Variants in CACNA2D1 observed in about 807,000 individuals in gnomAD.
The protein encoded by CACNA2D1 is calcium voltage-gated channel auxiliary subunit alpha2delta 1, also known as voltage-dependent calcium channel subunit alpha-2/delta-1.
A neutral mutation model predicts 171.5 loss-of-function variants in CACNA2D1; 53 were observed. The ratio of observed to expected loss-of-function variants is 0.31; its 90% confidence interval spans 0.25 to 0.39. The LOEUF is 0.39. CACNA2D1 is among the 10% of genes least tolerant of loss of function. CACNA2D1 has a pLI of 1.00. For synonymous variants in CACNA2D1, 442 were observed against 443.1 expected, an observed-to-expected ratio of 1.00 and a Z score of 0.03; for missense variants, 903 against 1,299.8, an observed-to-expected ratio of 0.69 and a Z score of 4.69.
In CACNA2D1 at chr7:82,340,341, G is replaced by GT. The variant is rs199938853; in HGVS notation, c.178-5091dup. Among the ~76,000 whole-genome samples the GT allele has an allele frequency of 9.2e-3, 1,220 of 133,116 alleles. 9 individuals are homozygous for GT. The highest frequency in any genetic ancestry group is 0.024 in the African/African-American group (874 of 36,844). The allele number at this position is 133,116 out of a possible 152,430, so 87.3% of individuals were successfully genotyped here. ...CTTAATTTGGCTAAGTTTGTTTTTT[G>GT]TTTTTTTTTTTTTTTAATAGGATCT... On this transcript the variant is annotated intron_variant, in intron 2 of 38. Transcript: ENST00000356860.
intron 5 of CACNA2D1, among the ~76,000 whole-genome samples, chr7:82,125,142 C>T (rs1482220268): frequency 2.0e-5 from 3 of 152,064 alleles, no homozygotes; most frequent in African/African-American, 7.2e-5. Context: ...CGTAAATATG[C>T]AAGGGAATTC....
intron 5 of CACNA2D1, among the ~76,000 whole-genome samples, chr7:82,122,008 T>C (rs921141291): frequency 1.3e-5 from 2 of 152,192 alleles, no homozygotes; most frequent in African/African-American, 2.4e-5. Flanking sequence ...GAAACAATTC[T>C]AGTTTTTAAA....
intron 2 of CACNA2D1, among the ~76,000 whole-genome samples, chr7:82,338,384 G>A (rs2299172): frequency 0.13 from 19,711 of 151,474 alleles, 1,898 homozygotes; most frequent in African/African-American, 0.27. Flanking sequence ...CCCAGGCTGG[G>A]GTGCAATGGC....
intron 4 of CACNA2D1, among the ~76,000 whole-genome samples, chr7:82,144,460 T>C (rs1368923486): frequency 6.6e-6 from 1 of 152,090 alleles, no homozygotes; most frequent in Non-Finnish European, 1.5e-5. Flanking sequence ...ATCCATCTTT[T>C]ATTTAATCAC....
At chr7:82,340,662 C>T (rs1818521057) in intron 2 of CACNA2D1, among the ~76,000 whole-genome samples, 1 of 152,062 alleles carries the variant, frequency 6.6e-6, no homozygotes, top group African/African-American at 2.4e-5. Context: ...TTGTGAGCAA[C>T]ATACAATTTC....
At chr7:82,213,392 T>C (rs902365451) in intron 3 of CACNA2D1, among the ~76,000 whole-genome samples, 6 of 152,130 alleles carry the variant, frequency 3.9e-5, no homozygotes, top group African/African-American at 1.4e-4. Flanking sequence ...TTAAGGCTGA[T>C]ATATCTAAGG....
At chr7:82,399,220 G>A (rs1020378541) in intron 1 of CACNA2D1, among the ~76,000 whole-genome samples, 3 of 152,124 alleles carry the variant, frequency 2.0e-5, no homozygotes, top group African/African-American at 4.8e-5. Context: ...TGGGCGCATC[G>A]CCTGAGGTCA....
intron 11 of CACNA2D1, among the ~76,000 whole-genome samples, 185 bp downstream of exon 11, chr7:82,037,892 C>G (rs933225032): frequency 6.6e-6 from 1 of 151,978 alleles, no homozygotes. Flanking sequence ...ATTTTAGATG[C>G]CTTTTGAATT....
At chr7:82,049,317 T>C (rs532426354) in intron 10 of CACNA2D1, among the ~76,000 whole-genome samples, 1 of 152,234 alleles carries the variant, frequency 6.6e-6, no homozygotes, top group East Asian at 1.9e-4. Flanking sequence ...GAATTCTTCT[T>C]CTTTTAACAA....
intron 1 of CACNA2D1, among the ~76,000 whole-genome samples, chr7:82,382,872 C>G (rs1387904581): frequency 6.6e-6 from 1 of 152,056 alleles, no homozygotes; most frequent in African/African-American, 2.4e-5. Flanking sequence ...CAAACAAGAA[C>G]GTAAATGTAT....
At chr7:82,408,731 T>C (rs140886295) in intron 1 of CACNA2D1, among the ~76,000 whole-genome samples, 60 of 152,298 alleles carry the variant, frequency 3.9e-4, no homozygotes, top group Non-Finnish European at 6.5e-4. Flanking sequence ...CTAAATCCTA[T>C]TCCATTCTGT....
chr7:82,342,053 C>CAAAAA (rs60799157), intron 2 of CACNA2D1, among the ~76,000 whole-genome samples: 7 of 65,496 alleles, frequency 1.1e-4, no homozygotes, highest in Non-Finnish European at 1.7e-4. Flanking sequence ...GACTCCGTCT[C>CAAAAA]AAAAAAAAAA....
At chr7:81,962,172 C>G in intron 35 of CACNA2D1, 149 bp from the exon 36 acceptor site, 1 of 702,280 alleles carries the variant, frequency 1.4e-6, no homozygotes, top group Non-Finnish European at 2.4e-6. Context: ...TGTGTAATAT[C>G]GTGGCAGCCC....
intron 31 of CACNA2D1, among the ~76,000 whole-genome samples, chr7:81,966,101 C>T (rs1408270760): frequency 6.6e-6 from 1 of 151,626 alleles, no homozygotes; most frequent in Non-Finnish European, 1.5e-5. Flanking sequence ...CACATCAGTA[C>T]TATAAGACTA....
chr7:82,061,175 G>A (rs1806866688), intron 9 of CACNA2D1, among the ~76,000 whole-genome samples: 1 of 152,114 alleles, frequency 6.6e-6, no homozygotes, highest in Admixed American at 6.6e-5. Context: ...ACGACTGAAT[G>A]TCCAAAATGA....
chr7:82,171,047 TGCA>T (rs1795967660), intron 3 of CACNA2D1, among the ~76,000 whole-genome samples: 2 of 152,192 alleles, frequency 1.3e-5, no homozygotes, highest in South Asian at 4.1e-4. Flanking sequence ...CCTTCTTAAA[TGCA>T]TATTGAGTTT....
At chr7:82,173,511 A>T (rs1224614285) in intron 3 of CACNA2D1, among the ~76,000 whole-genome samples, 2 of 151,922 alleles carry the variant, frequency 1.3e-5, no homozygotes, top group Non-Finnish European at 2.9e-5. Context: ...ATTAATAAAT[A>T]TTTTTACCTA....
intron 18 of CACNA2D1, among the ~76,000 whole-genome samples, chr7:81,997,680 T>C (rs1220382920): frequency 6.8e-6 from 1 of 147,648 alleles, no homozygotes; most frequent in East Asian, 2.0e-4. Flanking sequence ...AAAAAAAAAG[T>C]GTATGAGAAA....
At position 81,950,421 on chromosome 7, in the gene CACNA2D1, C is replaced by T. The variant is rs780032825; in HGVS notation, c.3247G>A (p.Val1083Ile). 2 of 1,613,044 alleles carry T rather than the reference C, an allele frequency of 1.2e-6. No individual in the cohort carries two copies. The highest frequency in any genetic ancestry group is 2.2e-5 in the East Asian group (1 of 44,844). Residue 1083 changes from valine to isoleucine, a missense_variant, in exon 39 of 39, where the codon GTA becomes ATA. Physicochemically the swap from Val to Ile is conservative, Grantham distance 29. Around this residue, in one of 5 missense-constraint regions of CACNA2D1, gnomAD observed 38 missense variants for 29.2 expected, o/e 1.30. Coordinates refer to ENST00000356860, the MANE Select transcript of CACNA2D1 (RefSeq NM_000722.4). The part of the protein sequence containing the change: ...IGIQFLLLWL[V>I]SGSTHRLL ...AACAGGCGGTGTGTGCTGCCAGATA[C>T]CAGCCAAAGTAGTAGAAACTGGATT...
Sources: allele counts gnomAD v4.1 joint callset (sites outside exome capture counted in the v4.1 genomes callset), GRCh38; gene constraint gnomAD v4.1.1; regional missense constraint gnomAD v4.1.1; transcripts MANE v1.5; gene names NCBI Gene and HGNC (gene_info 2026-07-23, HGNC 2026-07-21).